The following WWOX variants were observed in gnomAD, a reference collection of about 807,000 sequenced individuals.
WWOX encodes the protein WW domain containing oxidoreductase, also known as WW domain-containing oxidoreductase.
WWOX carries 69 observed loss-of-function variants against 46.2 expected under a neutral mutation model. The observed-to-expected ratio is 1.49, with a 90% confidence interval of 1.23 to 1.82. The LOEUF is 1.82. WWOX is among the 40% of genes most tolerant of loss of function. WWOX has a pLI of 0.00. For synonymous variants in WWOX, 359 were observed against 202.6 expected (o/e 1.77, Z -6.56); for missense variants, 919 against 542.6 (o/e 1.69, Z -6.89).
At chr16:78,246,043 A>G (rs1208800185) in intron 5 of WWOX, among the ~76,000 whole-genome samples, 5 of 152,182 alleles carry the variant, frequency 3.3e-5, no homozygotes. Flanking sequence ...CTTTAGCACA[A>G]GTGGTACAAA....
intron 8 of WWOX, among the ~76,000 whole-genome samples, chr16:79,001,909 A>G (rs1426657507): frequency 1.3e-5 from 2 of 152,124 alleles, no homozygotes; most frequent in East Asian, 3.9e-4. Flanking sequence ...TATCTTAATT[A>G]CCAGCAGTCC....
chr16:78,666,310 TAAA>T (rs2047332162), intron 8 of WWOX, among the ~76,000 whole-genome samples: 1 of 151,786 alleles, frequency 6.6e-6, no homozygotes, highest in South Asian at 2.1e-4. Context: ...ATAAATAAAT[TAAA>T]AAGACACTGA....
intron 8 of WWOX, among the ~76,000 whole-genome samples, chr16:78,843,452 G>A (rs991885348): frequency 1.3e-5 from 2 of 150,044 alleles, no homozygotes; most frequent in Admixed American, 1.3e-4. Context: ...CTCAGGGGAT[G>A]AGATTACTGT....
intron 8 of WWOX, among the ~76,000 whole-genome samples, chr16:78,855,885 C>G (rs1011121843): frequency 6.6e-6 from 1 of 152,174 alleles, no homozygotes; most frequent in Admixed American, 6.5e-5. Context: ...AGGCCCAGTC[C>G]TTACTCTCAT....
chr16:78,946,477 C>T (rs550716683), intron 8 of WWOX, among the ~76,000 whole-genome samples: 1 of 152,272 alleles, frequency 6.6e-6, no homozygotes, highest in South Asian at 2.1e-4. Context: ...AGGTGTGAGC[C>T]ACCGTGCCTG....
intron 8 of WWOX, among the ~76,000 whole-genome samples, chr16:78,666,004 G>A (rs1030398831): frequency 6.6e-6 from 1 of 151,788 alleles, no homozygotes; most frequent in Non-Finnish European, 1.5e-5. Context: ...AGATGTGGGG[G>A]CCAGGCACAG....
chr16:78,526,846 G>A (rs986291848), intron 8 of WWOX, among the ~76,000 whole-genome samples: 2 of 152,204 alleles, frequency 1.3e-5, no homozygotes, highest in Admixed American at 6.5e-5. Flanking sequence ...GGAGGAGCCA[G>A]CCTGGCCTGG....
chr16:78,746,694 C>G (rs2049355462), intron 8 of WWOX, among the ~76,000 whole-genome samples: 1 of 151,880 alleles, frequency 6.6e-6, no homozygotes, highest in African/African-American at 2.4e-5. Context: ...TTTCCCATAG[C>G]CAATGCCTTT....
chr16:78,863,501 C>T (rs8054201), intron 8 of WWOX, among the ~76,000 whole-genome samples: 39,401 of 151,998 alleles, frequency 0.26, 5,230 homozygotes, highest in South Asian at 0.33. Flanking sequence ...ACCACTGGTC[C>T]CTGCTGATTT....
intron 6 of WWOX, among the ~76,000 whole-genome samples, chr16:78,392,394 C>T (rs1180354488): frequency 6.6e-6 from 1 of 151,916 alleles, no homozygotes. Flanking sequence ...AAAACAAGCT[C>T]AGGGCTCCCA....
At chr16:78,687,933 T>G (rs1184832248) in intron 8 of WWOX, among the ~76,000 whole-genome samples, 1 of 152,044 alleles carries the variant, frequency 6.6e-6, no homozygotes, top group Non-Finnish European at 1.5e-5. Flanking sequence ...GTGCTAGAAA[T>G]GAAAAAGAAA....
At chr16:79,016,225 T>C (rs1279729151) in intron 8 of WWOX, 1 of 152,198 alleles carries the variant, frequency 6.6e-6, no homozygotes, top group African/African-American at 2.4e-5. Context: ...TGTACCCCAA[T>C]GAGTACAATG....
chr16:78,620,739 T>C (rs781345184), intron 8 of WWOX, among the ~76,000 whole-genome samples: 1 of 152,204 alleles, frequency 6.6e-6, no homozygotes, highest in Non-Finnish European at 1.5e-5. Flanking sequence ...AATGCATATT[T>C]GCATAGAAAT....
intron 8 of WWOX, among the ~76,000 whole-genome samples, chr16:78,439,309 G>A (rs2083397362): frequency 6.6e-6 from 1 of 152,148 alleles, no homozygotes; most frequent in Admixed American, 6.5e-5. Flanking sequence ...TTAGAAAACT[G>A]GACTCTCAGG....
chr16:78,971,090 A>AAT (rs1184878369), intron 8 of WWOX, among the ~76,000 whole-genome samples: 2 of 151,958 alleles, frequency 1.3e-5, no homozygotes, highest in Admixed American at 6.6e-5. Context: ...TATGTATATC[A>AAT]ATATATATAT....
At chr16:78,833,400 T>C (rs772858944) in intron 8 of WWOX, among the ~76,000 whole-genome samples, 2 of 150,000 alleles carry the variant, frequency 1.3e-5, no homozygotes, top group Non-Finnish European at 3.0e-5. Flanking sequence ...GCTGTTCTCA[T>C]GTTTACTTAA....
chr16:78,853,821 T>G (rs986640807), intron 8 of WWOX, among the ~76,000 whole-genome samples: 12 of 152,084 alleles, frequency 7.9e-5, no homozygotes, highest in African/African-American at 2.9e-4. Context: ...TGTAATAATT[T>G]AATAGCGAAG....
chr16:78,800,462 A>G (rs1211246764), intron 8 of WWOX, among the ~76,000 whole-genome samples: 1 of 152,176 alleles, frequency 6.6e-6, no homozygotes, highest in Non-Finnish European at 1.5e-5. Context: ...GGCCCCAAAT[A>G]AAGTGGTATC....
At chr16:78,934,270 G>A (rs1219147001) in intron 8 of WWOX, among the ~76,000 whole-genome samples, 3 of 147,398 alleles carry the variant, frequency 2.0e-5, no homozygotes, top group African/African-American at 5.1e-5. Context: ...CCCAGGAGGC[G>A]GATCTTGCAG....
Sources: allele counts gnomAD v4.1 joint callset (sites outside exome capture counted in the v4.1 genomes callset), GRCh38; gene constraint gnomAD v4.1.1; transcripts MANE v1.5; gene names NCBI Gene and HGNC (gene_info 2026-07-23, HGNC 2026-07-21).